LRRC19: variants seen among roughly 807,000 people sequenced by gnomAD.
LRRC19 encodes the protein leucine rich repeat containing 19.
In LRRC19, 33 loss-of-function variants were observed where a neutral mutation model predicts 33.3. That is an observed-to-expected ratio of 0.99 (90% CI 0.75 to 1.33). LRRC19 has a LOEUF of 1.33. Among genes scored for constraint, LRRC19 ranks in the 40% most tolerant of loss-of-function variants. LRRC19 has a pLI of 0.00. For synonymous variants in LRRC19, 184 were observed against 152.3 expected, an observed-to-expected ratio of 1.21 and a Z score of -1.53; for missense variants, 463 against 417.3, an observed-to-expected ratio of 1.11 and a Z score of -0.95.
rs925173848 is a variant in LRRC19 at position 26,995,152 on chromosome 9, C to T, written c.*369G>A. 1.3e-5 allele frequency: 2 copies of T among 155,084 alleles called. No individual in the cohort carries two copies. The highest frequency in any genetic ancestry group is 2.4e-5 in the African/African-American group (1 of 41,490). 9.6% of individuals were successfully genotyped at this position (155,084 alleles called of 1,614,324 possible). The stretch of plus-strand genomic sequence containing the variant: ...TAAATCCTAAACTTTTATTTCTTTA[C>T]TGATTGAAACATTAGTATAACTTAA... On this transcript the variant is annotated 3_prime_UTR_variant, in exon 5 of 5. Coordinates refer to ENST00000380055, the MANE Select transcript of LRRC19 (RefSeq NM_022901.3).
intron 1 of LRRC19, among the ~76,000 whole-genome samples, chr9:27,003,391 C>G (rs962988453): frequency 5.3e-5 from 8 of 152,022 alleles, no homozygotes; most frequent in African/African-American, 1.9e-4. Flanking sequence ...GGTGCAGTGG[C>G]AGGCACCTGT....
chr9:27,003,394 G>T (rs1414362718), intron 1 of LRRC19, among the ~76,000 whole-genome samples: 1 of 151,910 alleles, frequency 6.6e-6, no homozygotes, highest in Non-Finnish European at 1.5e-5. Context: ...GCAGTGGCAG[G>T]CACCTGTAAT....
Position 26,995,281 on chromosome 9 carries a change from T to C in LRRC19, c.*240A>G, listed in dbSNP as rs1451015133. On this transcript the variant is annotated 3_prime_UTR_variant, in exon 5 of 5. Coordinates refer to ENST00000380055, the MANE Select transcript of LRRC19 (RefSeq NM_022901.3). ...GTTCGTATGGTCACCCAAGCACTGC[T>C]AAGAATAGTAGTGCTAGTATTGTAG... The C allele has an allele frequency of 2.8e-6, 1 of 355,370 alleles. No homozygotes were observed. The highest frequency in any genetic ancestry group is 5.1e-6 in the Non-Finnish European group (1 of 194,182). 22.0% of individuals were successfully genotyped at this position (355,370 alleles called of 1,614,324 possible).
rs1018576082 is a variant in LRRC19 at position 26,993,599 on chromosome 9, A to T, written c.*1922T>A. On this transcript the variant is annotated 3_prime_UTR_variant, in exon 5 of 5. Coordinates refer to ENST00000380055, the MANE Select transcript of LRRC19 (RefSeq NM_022901.3). ...GACTATTCTATAGATTATGACATAG[A>T]TCTATTTTATTTTAGCCTCTTTTTT... 6.6e-6 allele frequency: 1 copy of T among 152,472 alleles called. No individual in the cohort carries two copies. Among genetic ancestry groups the T allele is most frequent in the Non-Finnish European group, 1.5e-5 (1 of 68,024 alleles). The allele number at this position is 152,472 out of a possible 1,614,324, so 9.4% of individuals were successfully genotyped here.
At position 26,999,511 on chromosome 9, in the gene LRRC19, G is replaced by A. The variant is rs994071595; in HGVS notation, c.81+103C>T. 1.0e-4 allele frequency: 80 copies of A among 789,360 alleles called. No individual in the cohort carries two copies. The African/African-American group carries it at 1.1e-3, about 11-fold the overall frequency. 48.9% of individuals were successfully genotyped at this position (789,360 alleles called of 1,614,324 possible). A position where few individuals can be genotyped will look rare whatever the true frequency, so the allele number is the denominator to read the frequency against. ...GCTAAATAAACTCTTAATTTTAGTA[G>A]GTCAGATTTTCTTTGCTTTCTTATT... On this transcript the variant is annotated intron_variant, in intron 2 of 4. Coordinates refer to ENST00000380055, the MANE Select transcript of LRRC19 (RefSeq NM_022901.3).
intron 1 of LRRC19, among the ~76,000 whole-genome samples, chr9:27,003,444 A>T (rs1828608755): frequency 2.0e-5 from 3 of 151,918 alleles, no homozygotes; most frequent in African/African-American, 7.3e-5. Context: ...AATTGTTTGA[A>T]CCTGGGAGGC....
rs774846481 is a variant in LRRC19 at position 26,995,689 on chromosome 9, G to A, written c.945C>T (p.Thr315=). 7 of 1,613,840 alleles carry A rather than the reference G, an allele frequency of 4.3e-6. No individual in the cohort carries two copies. The highest frequency in any genetic ancestry group is 2.2e-5 in the South Asian group (2 of 91,070). Residue 315 remains threonine, a synonymous_variant, in exon 5 of 5, where the codon ACC becomes ACT. Coordinates refer to ENST00000380055, the MANE Select transcript of LRRC19 (RefSeq NM_022901.3). ...GATTTCCAGTAAAACCATCTTCATAGGTTTCTGCTTCATGCTCTTCCAGGC... is the reference window on the plus strand; with the variant it reads ...GATTTCCAGTAAAACCATCTTCATAAGTTTCTGCTTCATGCTCTTCCAGGC... ...HHRLEEHEAE[T]YEDGFTGNPS...
At chr9:26,998,399 T>A (rs1233524485) in intron 2 of LRRC19, among the ~76,000 whole-genome samples, 158 bp from the exon 3 acceptor site, 1 of 152,174 alleles carries the variant, frequency 6.6e-6, no homozygotes, top group Non-Finnish European at 1.5e-5. Flanking sequence ...AATCTTTTTC[T>A]TTATTGGGAT....
chr9:26,999,497 T>C (rs1828357794), intron 2 of LRRC19, 117 bp downstream of exon 2: 3 of 714,680 alleles, frequency 4.2e-6, no homozygotes, highest in Non-Finnish European at 2.2e-6. Context: ...CTAAATAAAC[T>C]CTTAATTTTA....
rs10967656 is a variant in LRRC19 at position 27,005,358 on chromosome 9, C to A, written c.-10+234G>T. Among the ~76,000 whole-genome samples, 80 of 46,126 alleles carry A rather than the reference C, an allele frequency of 1.7e-3. 5 individuals are homozygous for A. Among genetic ancestry groups the A allele is most frequent in the Non-Finnish European group, 2.0e-3 (50 of 24,454 alleles). The allele number at this position is 46,126 out of a possible 152,430, so 30.3% of individuals were successfully genotyped here. ...TTGGCTAGATGAAACCATTTCCCCC[C>A]CCGCCCCCCGCAAAACAATTACTTA... On this transcript the variant is annotated intron_variant, in intron 1 of 4. Transcript: ENST00000380055.
In LRRC19 at chr9:26,993,481, A is replaced by G. The variant is rs1036564829; in HGVS notation, c.*2040T>C. The G allele has an allele frequency of 5.9e-5, 9 of 152,550 alleles. No homozygotes were observed. Among genetic ancestry groups the G allele is most frequent in the African/African-American group, 2.2e-4 (9 of 41,446 alleles). The allele number at this position is 152,550 out of a possible 1,614,324, so 9.4% of individuals were successfully genotyped here. A position where few individuals can be genotyped will look rare whatever the true frequency, so the allele number is the denominator to read the frequency against. ...AAGCAAATATGTATTATAAATTAGT[A>G]AGTTCTTCTATTTTACAGGTATATC... On this transcript the variant is annotated 3_prime_UTR_variant, in exon 5 of 5. Transcript: ENST00000380055.
At chr9:27,005,365 C>T (rs868326201) in intron 1 of LRRC19, among the ~76,000 whole-genome samples, 4 of 104,542 alleles carry the variant, frequency 3.8e-5, no homozygotes, top group African/African-American at 1.1e-4. Context: ...CCCCCCGCCC[C>T]CCGCAAAACA....
rs748319054 is a variant in LRRC19, at chr9:26,995,660, C to G, written c.974G>C (p.Ser325Thr). The change falls in exon 5 of 5, where the codon AGC (serine) becomes ACC (threonine). Residue 325 changes from serine (S) to threonine (T), a missense_variant. Transcript: ENST00000380055. The part of the protein sequence containing the change: ...TYEDGFTGNP[S>T]SLSQIPETNS... ...TGTTTCTGGTATCTGTGAAAGAGAGCTTGGATTTCCAGTAAAACCATCTTC... is the reference window on the plus strand; with the variant it reads ...TGTTTCTGGTATCTGTGAAAGAGAGGTTGGATTTCCAGTAAAACCATCTTC... 3 of 1,613,718 alleles carry G rather than the reference C, an allele frequency of 1.9e-6. No homozygotes were observed. Among genetic ancestry groups the G allele is most frequent in the African/African-American group, 1.3e-5 (1 of 74,896 alleles).
At position 26,995,823 on chromosome 9, in the gene LRRC19, C is replaced by T. The variant is rs144867340; in HGVS notation, c.811G>A (p.Ala271Thr). ...GTGACAACAACACCAACAAGAAAAG[C>T]CCAACTTTTTCCAAGAGGTTCATGT... ...SEHEPLGKSW[A>T]FLVGVVVTVL... Residue 271 changes from alanine (A) to threonine (T), a missense_variant, in exon 5 of 5, where the codon GCT becomes ACT. By Grantham distance (58) the Ala-to-Thr change is moderately conservative (BLOSUM62 0). Transcript: ENST00000380055. 5,796 of 1,603,478 alleles carry T rather than the reference C, an allele frequency of 3.6e-3. 19 individuals are homozygous for T. Among genetic ancestry groups the T allele is most frequent in the Non-Finnish European group, 3.4e-3 (4,036 of 1,174,480 alleles).
Position 26,995,982 on chromosome 9 carries a change from T to G in LRRC19, c.785-133A>C, listed in dbSNP as rs942181076. The G allele has an allele frequency of 8.5e-6, 6 of 706,046 alleles. No homozygotes were observed. The Admixed American group carries it at 1.0e-4, about 12-fold the overall frequency. 43.7% of individuals were successfully genotyped at this position (706,046 alleles called of 1,614,324 possible). A position where few individuals can be genotyped will look rare whatever the true frequency, so the allele number is the denominator to read the frequency against. On this transcript the variant is annotated intron_variant, in intron 4 of 4. Coordinates refer to ENST00000380055, the MANE Select transcript of LRRC19 (RefSeq NM_022901.3). ...ATACATTGTAGTTTTCTTTAGATTT[T>G]GTTTGGTGGATGAATTCTCTTTGTT...
chr9:26,995,736 G>C lies in LRRC19; in HGVS notation c.898C>G (p.Leu300Val). ...AGGCGATGATGATTATAACTAAGCAGAATATTGTACCATATTGGGCATTTG... is the reference window on the plus strand; with the variant it reads ...AGGCGATGATGATTATAACTAAGCACAATATTGTACCATATTGGGCATTTG... ...AIKCPIWYNILLSYNHHRLEE... is the reference protein window; with the variant it reads ...AIKCPIWYNIVLSYNHHRLEE... The change falls in exon 5 of 5, where the codon CTG becomes GTG. Residue 300 changes from leucine to valine, a missense_variant. Leu to Val is a conservative substitution (Grantham distance 32). Coordinates refer to ENST00000380055, the MANE Select transcript of LRRC19 (RefSeq NM_022901.3). 1 of 1,613,870 alleles carries C rather than the reference G, an allele frequency of 6.2e-7. No individual in the cohort carries two copies. Among genetic ancestry groups the C allele is most frequent in the Non-Finnish European group, 8.5e-7 (1 of 1,179,886 alleles).
chr9:27,002,648 G>A (rs1314494204), intron 1 of LRRC19, among the ~76,000 whole-genome samples: 1 of 152,160 alleles, frequency 6.6e-6, no homozygotes, highest in Non-Finnish European at 1.5e-5. Context: ...ATTGGTCTAT[G>A]GATCTGTCTT....
chr9:26,999,777 T>C lies in LRRC19; in HGVS notation c.-9-74A>G. Reference sequence around the variant, plus strand: ...CTTTTGAATCTGTTTATTCTTTTTTTTTTTTTTTTTTTTTGGCTGAGACAG... The same window carrying C: ...CTTTTGAATCTGTTTATTCTTTTTTCTTTTTTTTTTTTTTGGCTGAGACAG... On this transcript the variant is annotated intron_variant, in intron 1 of 4. Transcript: ENST00000380055. 28 of 896,146 alleles carry C rather than the reference T, an allele frequency of 3.1e-5. No homozygotes were observed. The East Asian group carries it at 6.3e-4, about 20-fold the overall frequency. 55.5% of individuals were successfully genotyped at this position (896,146 alleles called of 1,614,324 possible).
chr9:27,003,931 G>A (rs1394410355), intron 1 of LRRC19, among the ~76,000 whole-genome samples: 3 of 151,264 alleles, frequency 2.0e-5, no homozygotes, highest in Non-Finnish European at 4.5e-5. Flanking sequence ...TCAATGGCTT[G>A]TTTCAGTATT....
Sources: gnomAD v4.1 joint callset for allele counts (sites outside exome capture counted in the v4.1 genomes callset) on GRCh38, gnomAD v4.1.1 for gene constraint, MANE v1.5 for transcripts, NCBI Gene and HGNC (gene_info 2026-07-23, HGNC 2026-07-21) for gene names.